The following PKIB variants were observed in gnomAD, a reference collection of about 807,000 sequenced individuals.
The protein encoded by PKIB is cAMP-dependent protein kinase inhibitor beta.
Under a neutral mutation model 4.5 loss-of-function variants are expected in PKIB, and 2 were observed. That is an observed-to-expected ratio of 0.44 (90% CI 0.18 to 1.39). The LOEUF (loss-of-function observed/expected upper bound fraction) is 1.39. PKIB is among the 40% of genes most tolerant of loss of function. PKIB has a pLI of 0.27. For missense variants in PKIB, 94 were observed against 92.6 expected (o/e 1.02, Z -0.06); for synonymous variants, 38 against 36.0 (o/e 1.06, Z -0.20).
intron 1 of PKIB, among the ~76,000 whole-genome samples, chr6:122,629,260 C>G (rs1775588953): frequency 6.6e-6 from 1 of 152,102 alleles, no homozygotes. Context: ...ATAGATAATG[C>G]AATATGTATT....
intron 2 of PKIB, among the ~76,000 whole-genome samples, chr6:122,541,935 G>C (rs1051837035): frequency 6.6e-6 from 1 of 151,144 alleles, no homozygotes; most frequent in East Asian, 1.9e-4. Context: ...CATTCATTTC[G>C]TCTTCTATCA....
intron 3 of PKIB, among the ~76,000 whole-genome samples, chr6:122,604,841 G>A (rs560590278): frequency 7.6e-4 from 116 of 152,288 alleles, no homozygotes; most frequent in African/African-American, 2.6e-3. Context: ...TATTGATCAG[G>A]AGTGGGGAGA....
chr6:122,521,089 C>T (rs1776929465), intron 2 of PKIB, among the ~76,000 whole-genome samples: 1 of 152,182 alleles, frequency 6.6e-6, no homozygotes. Flanking sequence ...ATCTGTTGAC[C>T]AATGCTGGCT....
intron 1 of PKIB, among the ~76,000 whole-genome samples, chr6:122,620,407 G>A (rs35584234): frequency 0.02 from 3,067 of 152,264 alleles, 49 homozygotes; most frequent in Non-Finnish European, 0.031. Context: ...ATATAGAGCC[G>A]AAAAGCTCAT....
At chr6:122,554,604 G>C (rs1772783351) in intron 2 of PKIB, among the ~76,000 whole-genome samples, 2 of 152,150 alleles carry the variant, frequency 1.3e-5, no homozygotes, top group Non-Finnish European at 2.9e-5. Flanking sequence ...CAGTAGTGGG[G>C]CTGTCTATCA....
chr6:122,488,109 T>C (rs1161117389), intron 2 of PKIB, among the ~76,000 whole-genome samples: 6 of 152,170 alleles, frequency 3.9e-5, no homozygotes, highest in Admixed American at 1.3e-4. Context: ...TATCTCAATA[T>C]GTTCTTATTA....
intron 2 of PKIB, among the ~76,000 whole-genome samples, chr6:122,668,698 G>T (rs1330800091): frequency 6.6e-6 from 1 of 152,198 alleles, no homozygotes; most frequent in African/African-American, 2.4e-5. Context: ...GTATAACATT[G>T]CCTGAATGTT....
At chr6:122,656,577 G>C (rs924180844) in intron 2 of PKIB, among the ~76,000 whole-genome samples, 1 of 152,144 alleles carries the variant, frequency 6.6e-6, no homozygotes, top group African/African-American at 2.4e-5. Flanking sequence ...CACTGCCCCT[G>C]ACCCACAGTG....
At chr6:122,573,533 A>G (rs1389678143) in intron 2 of PKIB, among the ~76,000 whole-genome samples, 7 of 151,360 alleles carry the variant, frequency 4.6e-5, no homozygotes, top group Admixed American at 3.3e-4. Context: ...AAAAAAAAAA[A>G]AAAAGAAAAA....
intron 2 of PKIB, among the ~76,000 whole-genome samples, chr6:122,540,389 C>T (rs1486199838): frequency 6.6e-6 from 1 of 151,830 alleles, no homozygotes; most frequent in Non-Finnish European, 1.5e-5. Context: ...TGTCTTTGTT[C>T]TCGTTGGTTT....
chr6:122,525,400 T>C lies in PKIB; in HGVS notation c.-248+47461T>C, dbSNP rs184600577. 5.9e-5 allele frequency among the ~76,000 whole-genome samples: 9 copies of C among 152,310 alleles called. No homozygotes were observed. The East Asian group carries it at 1.5e-3, about 26-fold the overall frequency. ...TCATTTTCTGCCTTAATATGTAGTCTATCTGGGGGAATGTTCTATGTGCAC... is the reference window on the plus strand; with the variant it reads ...TCATTTTCTGCCTTAATATGTAGTCCATCTGGGGGAATGTTCTATGTGCAC... On this transcript the variant is annotated intron_variant, in intron 2 of 6. Transcript: ENST00000392491.
intron 2 of PKIB, among the ~76,000 whole-genome samples, chr6:122,497,916 C>A (rs1481468201): frequency 1.3e-5 from 2 of 152,166 alleles, no homozygotes; most frequent in Non-Finnish European, 2.9e-5. Flanking sequence ...AATATACATT[C>A]TTCTTATCTG....
chr6:122,567,675 A>T (rs1042429108), intron 2 of PKIB, among the ~76,000 whole-genome samples: 1 of 152,236 alleles, frequency 6.6e-6, no homozygotes, highest in Non-Finnish European at 1.5e-5. Context: ...TAGTATTCAT[A>T]AAAGAACTCT....
intron 3 of PKIB, among the ~76,000 whole-genome samples, chr6:122,678,560 T>C (rs1458562524): frequency 1.3e-5 from 2 of 152,190 alleles, no homozygotes; most frequent in African/African-American, 4.8e-5. Flanking sequence ...AATTTGGACA[T>C]TTTTCAGCTC....
At chr6:122,552,562 G>A (rs1184914024) in intron 2 of PKIB, among the ~76,000 whole-genome samples, 5 of 151,968 alleles carry the variant, frequency 3.3e-5, no homozygotes, top group Non-Finnish European at 5.9e-5. Flanking sequence ...ATTTTTAGTA[G>A]AGATGGGGTT....
At chr6:122,572,244 T>A (rs1381969438) in intron 2 of PKIB, among the ~76,000 whole-genome samples, 1 of 152,082 alleles carries the variant, frequency 6.6e-6, no homozygotes, top group Non-Finnish European at 1.5e-5. Context: ...CAAGAAGATA[T>A]TACAATCCTA....
At chr6:122,492,640 T>C (rs1277783830) in intron 2 of PKIB, among the ~76,000 whole-genome samples, 1 of 152,198 alleles carries the variant, frequency 6.6e-6, no homozygotes, top group Non-Finnish European at 1.5e-5. Flanking sequence ...TTTTTATAAC[T>C]CTAACATTTT....
intron 1 of PKIB, among the ~76,000 whole-genome samples, chr6:122,632,936 T>C (rs1404872296): frequency 6.6e-6 from 1 of 152,250 alleles, no homozygotes; most frequent in East Asian, 1.9e-4. Context: ...TCTCTGACTG[T>C]TCATGTTACA....
At chr6:122,523,184 T>A (rs961895089) in intron 2 of PKIB, among the ~76,000 whole-genome samples, 3 of 152,216 alleles carry the variant, frequency 2.0e-5, no homozygotes, top group Non-Finnish European at 4.4e-5. Flanking sequence ...AAGTGTTTTT[T>A]AAAATTATTA....
Sources: allele counts gnomAD v4.1 joint callset (sites outside exome capture counted in the v4.1 genomes callset), GRCh38; gene constraint gnomAD v4.1.1; transcripts MANE v1.5; gene names NCBI Gene and HGNC (gene_info 2026-07-23, HGNC 2026-07-21).